Variants in MSI2 observed in about 807,000 individuals in gnomAD.
MSI2 encodes RNA-binding protein Musashi homolog 2.
A neutral mutation model predicts 45.6 loss-of-function variants in MSI2; 17 were observed. That is an observed-to-expected ratio of 0.37 (90% CI 0.26 to 0.56). The LOEUF is 0.56. Among genes scored for constraint, MSI2 ranks in the 20% least tolerant of loss-of-function variants. The pLI, the probability that MSI2 is intolerant of heterozygous loss-of-function variation, is 0.77. For missense variants in MSI2, 293 were observed against 444.2 expected, an observed-to-expected ratio of 0.66 and a Z score of 3.06; for synonymous variants, 156 against 158.2, an observed-to-expected ratio of 0.99 and a Z score of 0.11.
chr17:57,352,649 G>A (rs1409805446), intron 5 of MSI2, among the ~76,000 whole-genome samples: 1 of 152,240 alleles, frequency 6.6e-6, no homozygotes, highest in African/African-American at 2.4e-5. Flanking sequence ...GGTAGGGTCA[G>A]AGGAATAAAT....
At chr17:57,545,581 C>T (rs189317001) in intron 7 of MSI2, among the ~76,000 whole-genome samples, 7 of 152,284 alleles carry the variant, frequency 4.6e-5, no homozygotes, top group Admixed American at 2.6e-4. Flanking sequence ...AAGGGCATCA[C>T]CGATGGGGGG....
chr17:57,477,956 C>G (rs538950015), intron 6 of MSI2, among the ~76,000 whole-genome samples: 7 of 152,302 alleles, frequency 4.6e-5, no homozygotes, highest in Admixed American at 3.3e-4. Flanking sequence ...GGAGAGAGAG[C>G]CACAGCTATT....
At chr17:57,473,970 GT>G (rs916232295) in intron 6 of MSI2, among the ~76,000 whole-genome samples, 27 of 152,248 alleles carry the variant, frequency 1.8e-4, no homozygotes, top group African/African-American at 6.5e-4. Flanking sequence ...TGATTTTGCT[GT>G]TTTTTTCGGT....
chr17:57,303,645 C>T (rs1337628058), intron 5 of MSI2, among the ~76,000 whole-genome samples: 1 of 152,154 alleles, frequency 6.6e-6, no homozygotes, highest in African/African-American at 2.4e-5. Flanking sequence ...CTGGCCTCAG[C>T]GGTCTGTTAT....
chr17:57,567,353 G>A (rs887741881), intron 7 of MSI2, among the ~76,000 whole-genome samples: 3 of 152,102 alleles, frequency 2.0e-5, no homozygotes, highest in Admixed American at 6.6e-5. Context: ...TTTGCTCTTC[G>A]CTGGTTAATC....
intron 6 of MSI2, among the ~76,000 whole-genome samples, chr17:57,458,061 A>G (rs1266568700): frequency 1.3e-5 from 2 of 151,772 alleles, no homozygotes; most frequent in African/African-American, 2.4e-5. Context: ...ATATAAGTAC[A>G]TATTTTAATA....
At chr17:57,621,790 GAAT>G (rs1398801562) in intron 9 of MSI2, among the ~76,000 whole-genome samples, 1 of 152,178 alleles carries the variant, frequency 6.6e-6, no homozygotes, top group Non-Finnish European at 1.5e-5. Flanking sequence ...CAGAATCACA[GAAT>G]AATCAACCCA....
At chr17:57,607,669 G>C (rs1263515450) in intron 8 of MSI2, among the ~76,000 whole-genome samples, 1 of 152,206 alleles carries the variant, frequency 6.6e-6, no homozygotes, top group Non-Finnish European at 1.5e-5. Flanking sequence ...TTGCTATAAA[G>C]AAATACCTGA....
At chr17:57,617,202 T>C (rs1907798829) in intron 9 of MSI2, among the ~76,000 whole-genome samples, 1 of 152,256 alleles carries the variant, frequency 6.6e-6, no homozygotes, top group Non-Finnish European at 1.5e-5. Context: ...CAGGAGAATA[T>C]TAAAAATGGC....
intron 5 of MSI2, among the ~76,000 whole-genome samples, chr17:57,317,506 C>CTTTTTTTTTTTTTTTTTTTTTTTTTTTTT (rs921448429): frequency 1.1e-5 from 1 of 94,576 alleles, no homozygotes; most frequent in African/African-American, 4.6e-5. Flanking sequence ...TATAGTTTTG[C>CTTTTTTTTTTTTTTTTTTTTTTTTTTTTT]TTTTTTTTTT....
At position 57,471,626 on chromosome 17, in the gene MSI2, G is replaced by A. The variant is rs144895975; in HGVS notation, c.406-58050G>A. On this transcript the variant is annotated intron_variant, in intron 6 of 13. Coordinates refer to ENST00000284073, the MANE Select transcript of MSI2 (RefSeq NM_138962.4). Reference sequence around the variant, plus strand: ...ATGAGGTAGGCTGGTATTACTCTTCGTGTTTTCTCCAGATGAAGAAGTCGA... The same window carrying A: ...ATGAGGTAGGCTGGTATTACTCTTCATGTTTTCTCCAGATGAAGAAGTCGA... 3.0e-3 allele frequency among the ~76,000 whole-genome samples: 456 copies of A among 152,264 alleles called. 1 individual carries two copies. The highest frequency in any genetic ancestry group is 7.6e-3 in the Admixed American group (116 of 15,304).
At position 57,280,378 on chromosome 17, in the gene MSI2, G is replaced by A. The variant is rs975073878; in HGVS notation, c.312+18186G>A. On this transcript the variant is annotated intron_variant, in intron 5 of 13. Coordinates refer to ENST00000284073, the MANE Select transcript of MSI2 (RefSeq NM_138962.4). The surrounding 1 kb of genome is among the most constrained non-coding windows in gnomAD (Gnocchi z 4.2). Reference sequence around the variant, plus strand: ...GGGAATCAGTGAGTAAGTTGTTGTGGTGATCCACTTGAGGAAGGATGGCTG... The same window carrying A: ...GGGAATCAGTGAGTAAGTTGTTGTGATGATCCACTTGAGGAAGGATGGCTG... Among the ~76,000 whole-genome samples, 2 of 152,198 alleles carry A rather than the reference G, an allele frequency of 1.3e-5. No individual in the cohort carries two copies. Among genetic ancestry groups the A allele is most frequent in the Non-Finnish European group, 1.5e-5 (1 of 68,034 alleles).
chr17:57,447,446 C>T (rs573421484), intron 6 of MSI2, among the ~76,000 whole-genome samples: 33 of 152,194 alleles, frequency 2.2e-4, no homozygotes, highest in Non-Finnish European at 3.5e-4. Context: ...AAGGGCGGCC[C>T]CTGGATAGGG....
chr17:57,429,275 G>T (rs993228918), intron 6 of MSI2, among the ~76,000 whole-genome samples: 1 of 152,172 alleles, frequency 6.6e-6, no homozygotes, highest in African/African-American at 2.4e-5. Flanking sequence ...GAGAGAAAAG[G>T]TTGGCCCCGG....
At position 57,601,002 on chromosome 17, in the gene MSI2, C is replaced by T. The variant is rs185578311; in HGVS notation, c.537+4052C>T. ...GAATTCGAGCCCAGAAAGCTATACT[C>T]CAGAGCTCACATCTGTACCCATCAG... On this transcript the variant is annotated intron_variant, in intron 8 of 13. Transcript: ENST00000284073. 4 of 152,370 alleles carry T rather than the reference C, an allele frequency of 2.6e-5. No individual in the cohort carries two copies. The East Asian group carries it at 7.7e-4, about 29-fold the overall frequency. 9.4% of individuals were successfully genotyped at this position (152,370 alleles called of 1,614,324 possible). A position where few individuals can be genotyped will look rare whatever the true frequency, so the allele number is the denominator to read the frequency against.
intron 5 of MSI2, among the ~76,000 whole-genome samples, chr17:57,314,374 A>G (rs1912664370): frequency 6.6e-6 from 1 of 151,958 alleles, no homozygotes; most frequent in Non-Finnish European, 1.5e-5. Flanking sequence ...TTTCAAGGAG[A>G]TGGAGTAATT....
In MSI2 at chr17:57,265,769, C is replaced by G. The variant is rs531378616; in HGVS notation, c.312+3577C>G. 7.9e-5 allele frequency: 12 copies of G among 152,124 alleles called. No homozygotes were observed. In the East Asian group the frequency reaches 2.3e-3, roughly 29 times the overall value. The allele number at this position is 152,124 out of a possible 1,614,324, so 9.4% of individuals were successfully genotyped here. ...TCATTTTGTAAAATATGTAAGAGTT[C>G]CCCCCCAGCCCCTTATCTTTTTAAA... On this transcript the variant is annotated intron_variant, in intron 5 of 13. Transcript: ENST00000284073.
At chr17:57,693,223 C>G in the MSI2 span, among the ~76,000 whole-genome samples, 981 of 147,058 alleles carry the variant, frequency 6.7e-3, 14 homozygotes, top group African/African-American at 0.022. Flanking sequence ...CACTCTGTCG[C>G]CCAGGCCAGA....
At chr17:57,494,242 A>C (rs1197544515) in intron 6 of MSI2, among the ~76,000 whole-genome samples, 1 of 152,200 alleles carries the variant, frequency 6.6e-6, no homozygotes, top group African/African-American at 2.4e-5. Context: ...GACCCATTAA[A>C]ATATAGTATC....
Sources: allele counts gnomAD v4.1 joint callset (sites outside exome capture counted in the v4.1 genomes callset), GRCh38; gene constraint gnomAD v4.1.1; non-coding constraint Gnocchi (gnomAD v3.1); transcripts MANE v1.5; gene names NCBI Gene and HGNC (gene_info 2026-07-23, HGNC 2026-07-21).